Variants in ZFAT observed in about 807,000 individuals in gnomAD.
The protein encoded by ZFAT is zinc finger and AT-hook domain containing, also known as zinc finger protein ZFAT.
A neutral mutation model predicts 117.7 loss-of-function variants in ZFAT; 64 were observed. The observed-to-expected ratio is 0.54, with a 90% CI of 0.44 to 0.67. ZFAT has a LOEUF of 0.67. Among genes scored for constraint, ZFAT ranks in the 30% least tolerant of loss-of-function variants. The probability of loss-of-function intolerance (pLI) is 0.00; values close to 1 mark genes in which losing one functional copy is unlikely to be tolerated. For synonymous variants in ZFAT, 679 were observed against 615.0 expected, an observed-to-expected ratio of 1.10 and a Z score of -1.54; for missense variants, 1,433 against 1,584.5, an observed-to-expected ratio of 0.90 and a Z score of 1.62.
chr8:134,668,929 C>T (rs1483526230), intron 1 of ZFAT, among the ~76,000 whole-genome samples: 1 of 152,132 alleles, frequency 6.6e-6, no homozygotes, highest in Non-Finnish European at 1.5e-5. Flanking sequence ...AGGTGAAAAC[C>T]ATGGCAGGAG....
At chr8:134,506,452 T>C (rs1383148916) in intron 15 of ZFAT, among the ~76,000 whole-genome samples, 4 of 152,242 alleles carry the variant, frequency 2.6e-5, no homozygotes, top group Non-Finnish European at 5.9e-5. Flanking sequence ...CAGATTTCTG[T>C]GTCCAACAAA....
chr8:134,810,786 T>G, the ZFAT span, among the ~76,000 whole-genome samples: 2 of 152,360 alleles, frequency 1.3e-5, 1 homozygote, highest in Admixed American at 1.3e-4. Context: ...AATGTGCAGA[T>G]GTTAAAAGCA....
At chr8:134,759,123 G>C in the ZFAT span, among the ~76,000 whole-genome samples, 5,506 of 152,268 alleles carry the variant, frequency 0.036, 219 homozygotes, top group African/African-American at 0.094. Flanking sequence ...ATTCAGACAC[G>C]AGGCAGGACT....
At chr8:134,633,456 G>A (rs1232963526) in intron 3 of ZFAT, among the ~76,000 whole-genome samples, 1 of 152,350 alleles carries the variant, frequency 6.6e-6, no homozygotes, top group African/African-American at 2.4e-5. Flanking sequence ...CCTGAGTAGT[G>A]CTTTTTGATC....
chr8:134,706,918 G>C (rs959415671), intron 1 of ZFAT, among the ~76,000 whole-genome samples: 13 of 151,266 alleles, frequency 8.6e-5, no homozygotes, highest in Admixed American at 2.6e-4. Context: ...CCTGTCTCCT[G>C]GCAGCTGCCA....
At chr8:134,595,861 T>C (rs911592767) in intron 7 of ZFAT, among the ~76,000 whole-genome samples, 1 of 152,176 alleles carries the variant, frequency 6.6e-6, no homozygotes, top group African/African-American at 2.4e-5. Context: ...TATCCTACAG[T>C]CCTGATGCAA....
intron 1 of ZFAT, among the ~76,000 whole-genome samples, chr8:134,676,255 CAAA>C (rs146638821): frequency 4.0e-3 from 325 of 80,594 alleles, no homozygotes; most frequent in African/African-American, 0.011. Context: ...AAATGGAAAG[CAAA>C]AAAAAAAAAA....
chr8:134,617,104 C>A lies in ZFAT; in HGVS notation c.449-6449G>T, dbSNP rs554811476. Among the ~76,000 whole-genome samples, 16 of 152,286 alleles carry A rather than the reference C, an allele frequency of 1.1e-4. No individual in the cohort carries two copies. The East Asian group carries it at 2.5e-3, about 24-fold the overall frequency. On this transcript the variant is annotated intron_variant, in intron 3 of 15. Coordinates refer to ENST00000377838, the MANE Select transcript of ZFAT (RefSeq NM_020863.4). ...GTCTTGGCAGCCACCCTGATGGGCACCAAATTTAGAAATCCTAAGAACCAG... is the reference window on the plus strand; with the variant it reads ...GTCTTGGCAGCCACCCTGATGGGCAACAAATTTAGAAATCCTAAGAACCAG...
chr8:134,716,212 C>G (rs995902347), upstream of ZFAT, among the ~76,000 whole-genome samples: 1 of 151,770 alleles, frequency 6.6e-6, no homozygotes, highest in African/African-American at 2.4e-5. Context: ...TGTATGCACA[C>G]ACACATATAT....
the ZFAT span, among the ~76,000 whole-genome samples, chr8:134,801,145 C>G: frequency 6.6e-6 from 1 of 152,002 alleles, no homozygotes; most frequent in South Asian, 2.1e-4. Context: ...CTGTGAGGAG[C>G]TTAGTCATCT....
Position 134,582,306 on chromosome 8 carries a change from C to A in ZFAT, c.2887+1526G>T, listed in dbSNP as rs1354370761. Among the ~76,000 whole-genome samples, 9 of 152,336 alleles carry A rather than the reference C, an allele frequency of 5.9e-5. No homozygotes were observed. In the East Asian group the frequency reaches 1.2e-3, roughly 20 times the overall value. On this transcript the variant is annotated intron_variant, in intron 10 of 15. Transcript: ENST00000377838. Reference sequence around the variant, plus strand: ...CAGAACCAGGCATGAGACGACAGAACCCTGTTCAGTGCCTGTGAATGCCTT... The same window carrying A: ...CAGAACCAGGCATGAGACGACAGAAACCTGTTCAGTGCCTGTGAATGCCTT...
intron 1 of ZFAT, among the ~76,000 whole-genome samples, chr8:134,677,051 AC>A (rs1832840908): frequency 1.3e-5 from 2 of 152,172 alleles, no homozygotes; most frequent in South Asian, 2.1e-4. Context: ...AGAAGAGCAA[AC>A]AAATTCGAAA....
chr8:134,692,517 C>A (rs1833631743), intron 1 of ZFAT, among the ~76,000 whole-genome samples: 1 of 152,168 alleles, frequency 6.6e-6, no homozygotes, highest in South Asian at 2.1e-4. Context: ...CTGTTCATGC[C>A]CCACAAACAA....
chr8:134,603,832 C>T (rs1474243894), intron 5 of ZFAT, among the ~76,000 whole-genome samples: 1 of 152,214 alleles, frequency 6.6e-6, no homozygotes, highest in Non-Finnish European at 1.5e-5. Flanking sequence ...CAGGAGGCTA[C>T]TGCTGACTTG....
intron 1 of ZFAT, among the ~76,000 whole-genome samples, chr8:134,692,561 C>T (rs1833633744): frequency 6.6e-6 from 1 of 152,208 alleles, no homozygotes; most frequent in Non-Finnish European, 1.5e-5. Flanking sequence ...CACTGAAATA[C>T]GCTCACCTCC....
chr8:134,528,782 A>G (rs1821196679), intron 12 of ZFAT, among the ~76,000 whole-genome samples: 1 of 152,218 alleles, frequency 6.6e-6, no homozygotes, highest in Non-Finnish European at 1.5e-5. Flanking sequence ...TAATTAGAAT[A>G]CAGAGCTTTG....
chr8:134,627,767 T>C (rs949784060), intron 3 of ZFAT, among the ~76,000 whole-genome samples: 1 of 152,238 alleles, frequency 6.6e-6, no homozygotes, highest in African/African-American at 2.4e-5. Flanking sequence ...CCCGGCACTG[T>C]TCTGAATGCT....
At chr8:134,549,426 G>C (rs1277583237) in intron 11 of ZFAT, among the ~76,000 whole-genome samples, 3 of 144,112 alleles carry the variant, frequency 2.1e-5, no homozygotes, top group Non-Finnish European at 4.5e-5. Context: ...GGGCGACAGA[G>C]CGAGACTCCG....
At chr8:134,565,456 A>G in intron 10 of ZFAT, 35 bp from the exon 11 acceptor site, 1 of 1,596,172 alleles carries the variant, frequency 6.3e-7, no homozygotes, top group Non-Finnish European at 8.6e-7. Flanking sequence ...GAGCGTCGCC[A>G]GGCCAACAGC....
Sources: allele counts gnomAD v4.1 joint callset (sites outside exome capture counted in the v4.1 genomes callset), GRCh38; gene constraint gnomAD v4.1.1; transcripts MANE v1.5; gene names NCBI Gene and HGNC (gene_info 2026-07-23, HGNC 2026-07-21).